Variants in MACF1 observed in about 807,000 individuals in gnomAD.
The protein encoded by MACF1 is microtubule actin crosslinking factor 1.
A neutral mutation model predicts 854.8 loss-of-function variants in MACF1; 193 were observed. The ratio of observed to expected loss-of-function variants is 0.23; its 90% CI spans 0.20 to 0.25. The LOEUF is 0.25. MACF1 is among the 10% of genes least tolerant of loss of function. MACF1 has a pLI of 1.00. For missense variants in MACF1, 7,722 were observed against 8,929.1 expected (o/e 0.86, Z 5.45); for synonymous variants, 3,185 against 3,226.7 (o/e 0.99, Z 0.44).
intron 22 of MACF1, among the ~76,000 whole-genome samples, chr1:39,300,719 CG>C (rs992128808): frequency 9.9e-5 from 15 of 152,206 alleles, no homozygotes; most frequent in African/African-American, 3.6e-4. Flanking sequence ...ATCCCTTAAA[CG>C]TACTTTTTCT....
intron 42 of MACF1, among the ~76,000 whole-genome samples, chr1:39,350,052 G>T (rs960209375): frequency 6.6e-6 from 1 of 152,116 alleles, no homozygotes; most frequent in African/African-American, 2.4e-5. Flanking sequence ...AATTATACAG[G>T]TTATTATAAA....
chr1:39,341,393 G>C (rs1288164796), intron 40 of MACF1, among the ~76,000 whole-genome samples: 1 of 151,216 alleles, frequency 6.6e-6, no homozygotes, highest in Non-Finnish European at 1.5e-5. Context: ...CTATGTTTAG[G>C]TTTATAATTA....
intron 58 of MACF1, among the ~76,000 whole-genome samples, chr1:39,392,725 A>G (rs1214266620): frequency 6.6e-6 from 1 of 152,146 alleles, no homozygotes; most frequent in African/African-American, 2.4e-5. Context: ...CTGTGGGGAA[A>G]ATTATTTCTT....
In MACF1 at chr1:39,332,350, G is replaced by A. The variant is rs945440643; in HGVS notation, c.5762G>A (p.Cys1921Tyr). The A allele has an allele frequency of 6.2e-7, 1 of 1,614,064 alleles. No individual in the cohort carries two copies. The highest frequency in any genetic ancestry group is 8.5e-7 in the Non-Finnish European group (1 of 1,180,012). The change falls in exon 37 of 101, where the codon TGT becomes TAT. Residue 1921 changes from cysteine (C) to tyrosine (Y), a missense_variant. Around this residue, in one of 15 missense-constraint regions of MACF1, gnomAD observed 1,531 missense variants for 1,601.6 expected, o/e 0.96. Transcript: ENST00000564288. ...CTTGCCAATAACTTAAAATCGATTT[G>A]TATACCTGATGTGATGCCCCACATG... ...RDLANNLKSICIPDVMPHMQL... is the reference protein window; with the variant it reads ...RDLANNLKSIYIPDVMPHMQL...
intron 11 of MACF1, 44 bp downstream of exon 11, chr1:39,284,472 T>C: frequency 7.7e-7 from 1 of 1,301,446 alleles, no homozygotes; most frequent in Non-Finnish European, 1.1e-6. Flanking sequence ...TTTGCTGGTC[T>C]GTACTGTTGT....
At chr1:39,386,055 A>T (rs576994233) in intron 57 of MACF1, 126 bp downstream of exon 57, 1 of 1,065,772 alleles carries the variant, frequency 9.4e-7, no homozygotes, top group Non-Finnish European at 1.3e-6. Context: ...ATGGTGTTAA[A>T]CCAATTCCTT....
Position 39,291,964 on chromosome 1 carries a change from C to G in MACF1, c.1840C>G (p.Leu614Val). 6.2e-7 allele frequency: 1 copy of G among 1,614,010 alleles called. No homozygotes were observed. The highest frequency in any genetic ancestry group is 2.2e-5 in the East Asian group (1 of 44,886). The change falls in exon 16 of 101, where the codon CTA becomes GTA. Residue 614 changes from leucine (L) to valine (V), a missense_variant. Coordinates refer to ENST00000564288, the MANE Select transcript of MACF1 (RefSeq NM_001394062.1). ...GNDLPSVELQ[L>V]ETQQHIHTSV... ...TGACCTGCCTAGTGTGGAGTTGCAGCTAGAAACACAGCAGCACATCCATAC... is the reference window on the plus strand; with the variant it reads ...TGACCTGCCTAGTGTGGAGTTGCAGGTAGAAACACAGCAGCACATCCATAC...
intron 44 of MACF1, among the ~76,000 whole-genome samples, chr1:39,353,722 T>A (rs1235270157): frequency 6.6e-6 from 1 of 152,190 alleles, no homozygotes; most frequent in Admixed American, 6.5e-5. Context: ...CCTCCCACAA[T>A]TAAACATTCT....
chr1:39,260,680 T>C lies in MACF1; in HGVS notation c.528+2652T>C, dbSNP rs375735979. 4 of 152,220 alleles carry C rather than the reference T, an allele frequency of 2.6e-5. 1 individual carries two copies. Among genetic ancestry groups the C allele is most frequent in the Admixed American group, 2.0e-4 (3 of 15,278 alleles). 9.4% of individuals were successfully genotyped at this position (152,220 alleles called of 1,614,324 possible). On this transcript the variant is annotated intron_variant, in intron 6 of 100. Transcript: ENST00000564288. Reference sequence around the variant, plus strand: ...GCTGGTTGCCCATCATTTCTAGGCTTTTTCTGTGGGCAGAGCTAGGCAATA... The same window carrying C: ...GCTGGTTGCCCATCATTTCTAGGCTCTTTCTGTGGGCAGAGCTAGGCAATA...
chr1:39,084,472 G>A lies in MACF1; in HGVS notation c.220+34G>A, dbSNP rs754048761. Reference sequence around the variant, plus strand: ...GGTCCCCCAGCAGGCTGGACGCTGTGGGTGTGAGGGAGGAATGGGCCAGGG... The same window carrying A: ...GGTCCCCCAGCAGGCTGGACGCTGTAGGTGTGAGGGAGGAATGGGCCAGGG... On this transcript the variant is annotated intron_variant, in intron 2 of 93. Transcript: ENST00000361689. The surrounding 1 kb of genome is among the most constrained non-coding windows in gnomAD (Gnocchi z 5.2). 8.9e-6 allele frequency: 14 copies of A among 1,575,078 alleles called. No homozygotes were observed. The highest frequency in any genetic ancestry group is 2.3e-5 in the East Asian group (1 of 43,450).
intron 47 of MACF1, 89 bp downstream of exon 47, chr1:39,359,353 T>A: frequency 6.9e-7 from 1 of 1,439,380 alleles, no homozygotes; most frequent in Non-Finnish European, 9.6e-7. Flanking sequence ...TGTGCAAATA[T>A]CTGTGGTGCC....
intron 2 of MACF1, among the ~76,000 whole-genome samples, chr1:39,190,861 G>GGT (rs368530470): frequency 0.031 from 4,687 of 152,090 alleles, 234 homozygotes; most frequent in African/African-American, 0.11. Flanking sequence ...CGGGCGTGGT[G>GGT]GTGTGCCTGT....
Position 39,254,111 on chromosome 1 carries a change from C to G in MACF1, c.358-187C>G, listed in dbSNP as rs1330036942. On this transcript the variant is annotated intron_variant, in intron 4 of 100. Coordinates refer to ENST00000564288, the MANE Select transcript of MACF1 (RefSeq NM_001394062.1). ...AGTGGTACACAAGACATTTGGGGACCTCAGAGAGCCTGGTCGAAACACGTA... is the reference window on the plus strand; with the variant it reads ...AGTGGTACACAAGACATTTGGGGACGTCAGAGAGCCTGGTCGAAACACGTA... 4 of 569,678 alleles carry G rather than the reference C, an allele frequency of 7.0e-6. No homozygotes were observed. In the East Asian group the frequency reaches 1.2e-4, roughly 16 times the overall value. 35.3% of individuals were successfully genotyped at this position (569,678 alleles called of 1,614,324 possible).
At chr1:39,126,534 T>G (rs1240152031) in intron 2 of MACF1, among the ~76,000 whole-genome samples, 2 of 152,172 alleles carry the variant, frequency 1.3e-5, no homozygotes, top group African/African-American at 4.8e-5. Context: ...ATGCCTGTAA[T>G]CCCAGCACTT....
At chr1:39,465,505 CTAT>C (rs1644648742) in intron 95 of MACF1, among the ~76,000 whole-genome samples, 3 of 152,142 alleles carry the variant, frequency 2.0e-5, no homozygotes, top group African/African-American at 7.2e-5. Context: ...AACTTCAGTA[CTAT>C]TTAAATATCT....
At chr1:39,423,410 C>T (rs561970988) in intron 60 of MACF1, among the ~76,000 whole-genome samples, 3 of 151,984 alleles carry the variant, frequency 2.0e-5, no homozygotes, top group South Asian at 2.1e-4. Flanking sequence ...CCGAGGCAGG[C>T]GGATCACAAG....
intron 95 of MACF1, among the ~76,000 whole-genome samples, chr1:39,467,402 C>T (rs1202835938): frequency 6.6e-6 from 1 of 152,108 alleles, no homozygotes; most frequent in Non-Finnish European, 1.5e-5. Flanking sequence ...CTACCAACTC[C>T]ATACCCGAGG....
chr1:39,397,865 G>C (rs1642334743), intron 58 of MACF1, among the ~76,000 whole-genome samples: 1 of 152,184 alleles, frequency 6.6e-6, no homozygotes, highest in Admixed American at 6.5e-5. Context: ...AACAGATACA[G>C]AGAATTACAG....
intron 2 of MACF1, among the ~76,000 whole-genome samples, chr1:39,130,313 A>G (rs1473063514): frequency 3.9e-5 from 6 of 152,234 alleles, no homozygotes; most frequent in Admixed American, 3.3e-4. Flanking sequence ...TTTTTGTGGC[A>G]TGATTTAGCT....
Sources: gnomAD v4.1 joint callset for allele counts (sites outside exome capture counted in the v4.1 genomes callset) on GRCh38, gnomAD v4.1.1 for gene constraint, gnomAD v4.1.1 regional missense constraint, Gnocchi (gnomAD v3.1) non-coding constraint, MANE v1.5 for transcripts, NCBI Gene and HGNC (gene_info 2026-07-23, HGNC 2026-07-21) for gene names.